The following LILRB4 variants were observed in gnomAD, a reference collection of about 807,000 sequenced individuals.
LILRB4 encodes the protein leukocyte immunoglobulin like receptor B4.
LILRB4 carries 49 observed loss-of-function variants against 55.2 expected under a neutral mutation model. The observed-to-expected ratio is 0.89, with a 90% confidence interval of 0.71 to 1.13. The LOEUF (loss-of-function observed/expected upper bound fraction) is 1.13, where lower values mean the gene tolerates loss of function less well. Ranked by LOEUF, LILRB4 falls within the 50% of genes most tolerant of loss-of-function variation. LILRB4 has a pLI of 0.00. For synonymous variants in LILRB4, 229 were observed against 213.8 expected (o/e 1.07, Z -0.62); for missense variants, 590 against 555.2 (o/e 1.06, Z -0.63).
intron 1 of LILRB4, 123 bp downstream of exon 1, chr19:54,663,190 T>C (rs2065082397): frequency 8.9e-7 from 1 of 1,129,830 alleles, no homozygotes. Context: ...CTCACGCCTG[T>C]AATCCCAGCA....
In LILRB4 at chr19:54,666,017, C is replaced by T; in HGVS notation, c.874+86C>T. On this transcript the variant is annotated intron_variant, in intron 7 of 11. Coordinates refer to ENST00000430952, the Ensembl canonical transcript of LILRB4. This position sits in a 1 kb window ranked among gnomAD's most constrained non-coding sequence, Gnocchi z 4.8. ...AGGGACTCCAGATAGGAGAGGTCATCTTAGAAACTCTGCTCCAGAAATTCC... is the reference window on the plus strand; with the variant it reads ...AGGGACTCCAGATAGGAGAGGTCATTTTAGAAACTCTGCTCCAGAAATTCC... The T allele has an allele frequency of 6.6e-7, 1 of 1,512,876 alleles. No individual in the cohort carries two copies. The highest frequency in any genetic ancestry group is 9.0e-7 in the Non-Finnish European group (1 of 1,110,516). 93.7% of individuals were successfully genotyped at this position (1,512,876 alleles called of 1,614,324 possible). A position where few individuals can be genotyped will look rare whatever the true frequency, so the allele number is the denominator to read the frequency against.
chr19:54,663,715 G>A, intron 2 of LILRB4, 39 bp from the exon 3 acceptor site: 1 of 1,611,562 alleles, frequency 6.2e-7, no homozygotes, highest in Non-Finnish European at 8.5e-7. Flanking sequence ...TCTGAGGGCT[G>A]AGGAAGGTCT....
At position 54,666,273 on chromosome 19, in the gene LILRB4, G is replaced by C; in HGVS notation, c.908G>C (p.Gly303Ala). ...CAGGCTGATTTCCAACGTCCTCCAG[G>C]GGCTGCCGAGCCAGAGCCCAAGGAC... is the stretch of plus-strand genomic sequence containing the variant. The change falls in exon 8 of 12, where the codon GGG (glycine) becomes GCG (alanine). Residue 303 changes from glycine (G) to alanine (A), a missense_variant. Transcript: ENST00000430952. This position sits in a 1 kb window ranked among gnomAD's most constrained non-coding sequence, Gnocchi z 4.8. The C allele has an allele frequency of 6.2e-7, 1 of 1,609,042 alleles. No homozygotes were observed.
chr19:54,665,543 G>T lies in LILRB4; in HGVS notation c.758-272G>T, dbSNP rs563385340. On this transcript the variant is annotated intron_variant, in intron 6 of 11. Coordinates refer to ENST00000430952, the Ensembl canonical transcript of LILRB4. The surrounding 1 kb of genome is among the most constrained non-coding windows in gnomAD (Gnocchi z 5.5). ...TGCAACTCTGGGGCTTGGCTCTGGT[G>T]CAGGAACAAGGGCTGCAGCTCAGAC... 6.6e-6 allele frequency among the ~76,000 whole-genome samples: 1 copy of T among 152,276 alleles called. No homozygotes were observed. Among genetic ancestry groups the T allele is most frequent in the South Asian group, 2.1e-4 (1 of 4,824 alleles).
rs1270917372 is a variant in LILRB4 at position 54,664,089 on chromosome 19, GGTCA to G, written c.355+53_355+56del. The G allele has an allele frequency of 5.0e-6, 8 of 1,604,530 alleles. No individual in the cohort carries two copies. In the Admixed American group the frequency reaches 1.3e-4, roughly 27 times the overall value. ...CCCCAGGCTCTGCCCTCAGGAAGGG[GGTCA>G]GCTCTCAGGGGCATCTCCCTCTCAC... On this transcript the variant is annotated intron_variant, in intron 3 of 11. Coordinates refer to ENST00000430952, the Ensembl canonical transcript of LILRB4.
Position 54,665,046 on chromosome 19 carries a change from G to T in LILRB4, c.707-84G>T. On this transcript the variant is annotated intron_variant, in intron 5 of 11. Coordinates refer to ENST00000430952, the Ensembl canonical transcript of LILRB4. The surrounding 1 kb of genome is among the most constrained non-coding windows in gnomAD (Gnocchi z 5.5). The stretch of plus-strand genomic sequence containing the variant: ...GGCTGGTGAGGGGTGAGGGGGTCAA[G>T]GCTGAAGGAGATGTTGCGGGGAGAA... The T allele has an allele frequency of 6.4e-7, 1 of 1,551,252 alleles. No individual in the cohort carries two copies. The highest frequency in any genetic ancestry group is 8.9e-7 in the Non-Finnish European group (1 of 1,127,496).
intron 3 of LILRB4, 62 bp downstream of exon 3, chr19:54,664,100 A>G (rs2065148821): frequency 8.7e-6 from 14 of 1,601,304 alleles, no homozygotes; most frequent in Non-Finnish European, 1.2e-5. Flanking sequence ...GTCAGCTCTC[A>G]GGGGCATCTC....
rs562625035 is a variant in LILRB4, at chr19:54,663,333, C to G, written c.35-199C>G. 5.3e-5 allele frequency among the ~76,000 whole-genome samples: 8 copies of G among 150,768 alleles called. No individual in the cohort carries two copies. The South Asian group carries it at 8.4e-4, about 16-fold the overall frequency. On this transcript the variant is annotated intron_variant, in intron 1 of 11. Transcript: ENST00000430952. ...TGGTTGCAGGCGCCTGTGGTCCCAG[C>G]CACTCGGGAGGCTGAGGCAGGAGAA...
chr19:54,664,397 C>G (rs369944780), exon 4 of LILRB4: 1 of 1,613,450 alleles, frequency 6.2e-7, no homozygotes, highest in African/African-American at 1.3e-5. Flanking sequence ...CCTCAGTGCA[C>G]GGGGGGACCT....
rs1055792121 is a variant in LILRB4, at chr19:54,663,700, T to C, written c.71-54T>C. 1.9e-6 allele frequency: 3 copies of C among 1,609,666 alleles called. No homozygotes were observed. The African/African-American group carries it at 4.0e-5, about 22-fold the overall frequency. ...ACGGGGGGGTCCTGGGGCTGAGAGC[T>C]GGGATCTGAGGGCTGAGGAAGGTCT... is the stretch of plus-strand genomic sequence containing the variant. On this transcript the variant is annotated intron_variant, in intron 2 of 11. Transcript: ENST00000430952.
chr19:54,667,040 C>T (rs1285099485), intron 10 of LILRB4: 12 of 660,868 alleles, frequency 1.8e-5, no homozygotes, highest in African/African-American at 3.6e-5. Flanking sequence ...ACTCCAGTCC[C>T]CTGGGCTCCC....
chr19:54,663,146 G>T, intron 1 of LILRB4, 79 bp downstream of exon 1: 1 of 1,521,824 alleles, frequency 6.6e-7, no homozygotes, highest in South Asian at 1.2e-5. Context: ...TTCTTTAGGA[G>T]ACTCAAAAAT....
intron 4 of LILRB4, 70 bp downstream of exon 4, chr19:54,664,555 G>C (rs1187150124): frequency 6.7e-7 from 1 of 1,483,646 alleles, no homozygotes; most frequent in African/African-American, 1.4e-5. Context: ...GGAGAGCTCT[G>C]GGCAGGGATG....
At position 54,665,968 on chromosome 19, in the gene LILRB4, G is replaced by A. The variant is rs2065245682; in HGVS notation, c.874+37G>A. ...ATTGGGGGACCCGTGGGCTGATGGA[G>A]GGTGGGCTCAGGGCACCAGCCAAAG... On this transcript the variant is annotated intron_variant, in intron 7 of 11. Coordinates refer to ENST00000430952, the Ensembl canonical transcript of LILRB4. This position sits in a 1 kb window ranked among gnomAD's most constrained non-coding sequence, Gnocchi z 5.5. The A allele has an allele frequency of 1.2e-6, 2 of 1,613,328 alleles. No homozygotes were observed. The highest frequency in any genetic ancestry group is 1.7e-5 in the Admixed American group (1 of 59,976).
chr19:54,667,991 G>A (rs781659544), exon 12 of LILRB4: 2 of 1,614,010 alleles, frequency 1.2e-6, no homozygotes, highest in Non-Finnish European at 1.7e-6. Context: ...GCTGAGCCCA[G>A]TGTCTATGCC....
chr19:54,663,468 C>T (rs1409165371), intron 1 of LILRB4, 64 bp from the exon 2 acceptor site: 1 of 883,384 alleles, frequency 1.1e-6, no homozygotes, highest in East Asian at 2.9e-5. Flanking sequence ...AAAAAAATCT[C>T]AGGGTAAAGA....
chr19:54,665,804 T>A lies in LILRB4; in HGVS notation c.758-11T>A. 6.3e-7 allele frequency: 1 copy of A among 1,592,336 alleles called. No individual in the cohort carries two copies. The highest frequency in any genetic ancestry group is 8.5e-7 in the Non-Finnish European group (1 of 1,169,614). On this transcript the variant is annotated splice_polypyrimidine_tract_variant and intron_variant, in intron 6 of 11. Coordinates refer to ENST00000430952, the Ensembl canonical transcript of LILRB4. The surrounding 1 kb of genome is among the most constrained non-coding windows in gnomAD (Gnocchi z 5.5). ...GACATCATCCCCATTCCTGATGTCA[T>A]CACGCCCAAGGTCTGAGAAGGCACT...
chr19:54,664,147 T>C, intron 3 of LILRB4, 39 bp from the exon 4 acceptor site: 1 of 1,521,068 alleles, frequency 6.6e-7, no homozygotes, highest in Non-Finnish European at 9.0e-7. Flanking sequence ...ATGTGGGAGG[T>C]GGGAGCCCCA....
chr19:54,664,394 G>C (rs764056217), exon 4 of LILRB4: 3 of 1,613,964 alleles, frequency 1.9e-6, no homozygotes, highest in Non-Finnish European at 8.5e-7. Flanking sequence ...TGACCTCAGT[G>C]CACGGGGGGA....
Sources: gnomAD v4.1 joint callset for allele counts (sites outside exome capture counted in the v4.1 genomes callset) on GRCh38, gnomAD v4.1.1 for gene constraint, Gnocchi (gnomAD v3.1) non-coding constraint, MANE v1.5 for transcripts, NCBI Gene and HGNC (gene_info 2026-07-23, HGNC 2026-07-21) for gene names.